Variants in C3orf20 observed in about 807,000 individuals in gnomAD.
C3orf20 encodes family with sequence similarity 149 member C.
In C3orf20, 76 loss-of-function variants were observed where a neutral mutation model predicts 88.3. The observed-to-expected ratio is 0.86, with a 90% CI of 0.72 to 1.04. The LOEUF (loss-of-function observed/expected upper bound fraction) is 1.04, where lower values mean the gene tolerates loss of function less well. Ranked by LOEUF, C3orf20 falls within the 50% of genes least tolerant of loss-of-function variation. C3orf20 has a pLI of 0.00. For synonymous variants in C3orf20, 436 were observed against 437.4 expected, an observed-to-expected ratio of 1.00 and a Z score of 0.04; for missense variants, 1,056 against 1,123.3, an observed-to-expected ratio of 0.94 and a Z score of 0.86.
At chr3:14,679,059 G>A (rs2031944152) in intron 1 of C3orf20, among the ~76,000 whole-genome samples, 1 of 152,196 alleles carries the variant, frequency 6.6e-6, no homozygotes, top group Non-Finnish European at 1.5e-5. Context: ...CCATCTCTTT[G>A]TAGGTGCTGT....
At chr3:14,766,238 C>T (rs113925523) in intron 15 of C3orf20, among the ~76,000 whole-genome samples, 5 of 152,326 alleles carry the variant, frequency 3.3e-5, no homozygotes, top group South Asian at 2.1e-4. Context: ...CAGCCCTGTG[C>T]GGGGCGCTGG....
At chr3:14,755,546 T>A (rs2035338240) in intron 12 of C3orf20, among the ~76,000 whole-genome samples, 1 of 152,196 alleles carries the variant, frequency 6.6e-6, no homozygotes, top group Non-Finnish European at 1.5e-5. Flanking sequence ...GTAAGAGATA[T>A]TCTTAACAAG....
chr3:14,769,665 C>T (rs2035808654), intron 15 of C3orf20, among the ~76,000 whole-genome samples: 2 of 152,114 alleles, frequency 1.3e-5, no homozygotes, highest in Admixed American at 1.3e-4. Context: ...TGGAGCTTAC[C>T]CCTGCAAGCA....
intron 1 of C3orf20, among the ~76,000 whole-genome samples, chr3:14,681,653 A>T (rs914189137): frequency 6.6e-6 from 1 of 152,244 alleles, no homozygotes; most frequent in Non-Finnish European, 1.5e-5. Flanking sequence ...TGGGAATTAC[A>T]AGAAACAAAT....
In C3orf20 at chr3:14,757,456, A is replaced by G. The variant is rs564821662; in HGVS notation, c.2026A>G (p.Lys676Glu). The G allele has an allele frequency of 3.1e-6, 5 of 1,612,826 alleles. No individual in the cohort carries two copies. Among genetic ancestry groups the G allele is most frequent in the Non-Finnish European group, 4.2e-6 (5 of 1,179,936 alleles). ...CPLVLRKLML[K>E]EDTRAGCKCL... is the part of the protein sequence containing the mutation. The stretch of plus-strand genomic sequence containing the variant: ...GCTGGTGCTGCGGAAGCTCATGCTC[A>G]AGGAAGACACCCGTGCTGGCTGCAA... Residue 676 changes from lysine to glutamate, a missense_variant, in exon 13 of 17, where the codon AAG (lysine) becomes GAG (glutamate). By Grantham distance (56) the Lys-to-Glu change is moderately conservative. Transcript: ENST00000253697.
chr3:14,744,619 T>G (rs1437293799), intron 12 of C3orf20, among the ~76,000 whole-genome samples: 1 of 151,818 alleles, frequency 6.6e-6, no homozygotes, highest in Admixed American at 6.6e-5. Flanking sequence ...AAACTGGGAA[T>G]GAAAAAAGGT....
chr3:14,740,608 C>G (rs1209622458), intron 12 of C3orf20, among the ~76,000 whole-genome samples: 1 of 152,190 alleles, frequency 6.6e-6, no homozygotes, highest in Non-Finnish European at 1.5e-5. Flanking sequence ...TAAAAAAACA[C>G]AGTATCTGCA....
At position 14,676,644 on chromosome 3, in the gene C3orf20, T is replaced by C. The variant is rs2031787732; in HGVS notation, c.-299+1392T>C. ...ACTCCTCCCCCCCATTTTGAAACTG[T>C]CCCCTGGGGTGCCACTTTCATAAGC... On this transcript the variant is annotated intron_variant, in intron 1 of 16. Transcript: ENST00000253697. 2.6e-5 allele frequency among the ~76,000 whole-genome samples: 4 copies of C among 152,282 alleles called. No homozygotes were observed. In the South Asian group the frequency reaches 8.3e-4, roughly 32 times the overall value.
In C3orf20 at chr3:14,772,845, T is replaced by A. The variant is rs762018073; in HGVS notation, c.2685T>A (p.Thr895=). ...CTCTCAGCAGGGACAGCAAGATAAC[T>A]AGTTGGAAGAAGCAGGCCTCCAAGA... The part of the protein sequence containing the change: ...LHPLSRDSKI[T]SWKKQASKK The change falls in exon 17 of 17, where the codon ACT becomes ACA. Residue 895 remains threonine (T), a synonymous_variant. Coordinates refer to ENST00000253697, the MANE Select transcript of C3orf20 (RefSeq NM_032137.5). The surrounding 1 kb of genome is among the most constrained non-coding windows in gnomAD (Gnocchi z 4.2). The A allele has an allele frequency of 1.2e-6, 2 of 1,613,986 alleles. No individual in the cohort carries two copies. The highest frequency in any genetic ancestry group is 2.2e-5 in the South Asian group (2 of 91,074).
intron 15 of C3orf20, among the ~76,000 whole-genome samples, chr3:14,763,749 A>G (rs2035623255): frequency 6.6e-6 from 1 of 152,038 alleles, no homozygotes; most frequent in African/African-American, 2.4e-5. Context: ...GTAGAGTGAG[A>G]CTCACTGTAT....
chr3:14,759,506 A>C (rs562133483), intron 13 of C3orf20, among the ~76,000 whole-genome samples: 20 of 152,258 alleles, frequency 1.3e-4, no homozygotes, highest in African/African-American at 4.6e-4. Flanking sequence ...TGCTGTGTAA[A>C]GTAGACTCAA....
At chr3:14,685,439 C>CCTCTCT (rs566893132) in intron 4 of C3orf20, among the ~76,000 whole-genome samples, 1 of 137,112 alleles carries the variant, frequency 7.3e-6, no homozygotes, top group African/African-American at 2.8e-5. Context: ...CACCCAGTGA[C>CCTCTCT]CTCTCTCTCT....
intron 7 of C3orf20, among the ~76,000 whole-genome samples, chr3:14,713,359 T>C (rs982878639): frequency 2.0e-5 from 3 of 152,230 alleles, no homozygotes; most frequent in Non-Finnish European, 2.9e-5. Context: ...TCCTTTTCTT[T>C]CTGCTTTCAT....
At chr3:14,676,698 T>C (rs1014647569) in intron 1 of C3orf20, among the ~76,000 whole-genome samples, 1 of 152,196 alleles carries the variant, frequency 6.6e-6, no homozygotes, top group African/African-American at 2.4e-5. Context: ...AGATGGTCAA[T>C]TTTATGTTTC....
intron 15 of C3orf20, among the ~76,000 whole-genome samples, chr3:14,769,776 G>A (rs2035811001): frequency 6.6e-6 from 1 of 152,148 alleles, no homozygotes; most frequent in Non-Finnish European, 1.5e-5. Context: ...GATGGAAGAG[G>A]GTGAGGCTGG....
chr3:14,742,771 T>A (rs73024142), intron 12 of C3orf20, among the ~76,000 whole-genome samples: 3,228 of 151,098 alleles, frequency 0.021, 51 homozygotes, highest in South Asian at 0.025. Context: ...GGTGGGAGGC[T>A]AAAGGCTCTT....
intron 15 of C3orf20, among the ~76,000 whole-genome samples, chr3:14,762,920 C>G (rs1287366782): frequency 3.9e-5 from 6 of 152,204 alleles, no homozygotes. Context: ...CCCCACAACT[C>G]AGAGCACTCA....
At chr3:14,726,711 C>G (rs924839860) in intron 10 of C3orf20, among the ~76,000 whole-genome samples, 190 bp from the exon 11 acceptor site, 1 of 152,094 alleles carries the variant, frequency 6.6e-6, no homozygotes. Context: ...GAGGAGAGGC[C>G]ATGAGTCAGG....
intron 4 of C3orf20, among the ~76,000 whole-genome samples, chr3:14,685,764 A>AT (rs950743792): frequency 1.3e-5 from 2 of 151,344 alleles, no homozygotes; most frequent in African/African-American, 4.9e-5. Flanking sequence ...ATGTGAGATC[A>AT]TACAGGATTT....
Sources: allele counts gnomAD v4.1 joint callset (sites outside exome capture counted in the v4.1 genomes callset), GRCh38; gene constraint gnomAD v4.1.1; non-coding constraint Gnocchi (gnomAD v3.1); transcripts MANE v1.5; gene names NCBI Gene and HGNC (gene_info 2026-07-23, HGNC 2026-07-21).